HOMEZ: variants seen among roughly 807,000 people sequenced by gnomAD.
HOMEZ encodes the protein homeobox and leucine zipper protein Homez.
Under a neutral mutation model 50.1 loss-of-function variants are expected in HOMEZ, and 20 were observed. The observed-to-expected ratio is 0.40, with a 90% CI of 0.28 to 0.58. The LOEUF (loss-of-function observed/expected upper bound fraction) is 0.58, where lower values mean the gene tolerates loss of function less well. Ranked by LOEUF, HOMEZ falls within the 20% of genes least tolerant of loss-of-function variation. HOMEZ has a pLI of 0.46. For missense variants in HOMEZ, 579 were observed against 680.5 expected, an observed-to-expected ratio of 0.85 and a Z score of 1.66; for synonymous variants, 239 against 254.7, an observed-to-expected ratio of 0.94 and a Z score of 0.59.
At position 23,273,555 on chromosome 14, in the gene HOMEZ, T is replaced by C. The variant is rs1555322740; in HGVS notation, c.*2020A>G. 6.6e-6 allele frequency: 1 copy of C among 152,180 alleles called. No individual in the cohort carries two copies. Among genetic ancestry groups the C allele is most frequent in the Non-Finnish European group, 1.5e-5 (1 of 68,016 alleles). 9.4% of individuals were successfully genotyped at this position (152,180 alleles called of 1,614,324 possible). A position where few individuals can be genotyped will look rare whatever the true frequency, so the allele number is the denominator to read the frequency against. On this transcript the variant is annotated 3_prime_UTR_variant, in exon 2 of 2. Coordinates refer to ENST00000357460, the MANE Select transcript of HOMEZ (RefSeq NM_020834.3). ...ACTGAGATCAAACATGTATTCTACT[T>C]TGGGTTTTAAAAGGCAGAAATGACG...
rs984873567 is a variant in HOMEZ at position 23,273,468 on chromosome 14, A to G, written c.*2107T>C. On this transcript the variant is annotated 3_prime_UTR_variant, in exon 2 of 2. Transcript: ENST00000357460. Reference sequence around the variant, plus strand: ...AGTAAAATAAAGACGATGCCCTTTTATTGCTACAATTCTATCACTTTTACA... The same window carrying G: ...AGTAAAATAAAGACGATGCCCTTTTGTTGCTACAATTCTATCACTTTTACA... 1 of 152,244 alleles carries G rather than the reference A, an allele frequency of 6.6e-6. No individual in the cohort carries two copies. The allele number at this position is 152,244 out of a possible 1,614,324, so 9.4% of individuals were successfully genotyped here.
rs1273228157 is a variant in HOMEZ at position 23,276,132 on chromosome 14, C to T, written c.1096G>A (p.Glu366Lys). 2 of 1,613,986 alleles carry T rather than the reference C, an allele frequency of 1.2e-6. No homozygotes were observed. The highest frequency in any genetic ancestry group is 2.2e-5 in the South Asian group (2 of 91,068). Residue 366 changes from glutamate to lysine, a missense_variant, in exon 2 of 2, where the codon GAG (glutamate) becomes AAG (lysine). By Grantham distance (56) the Glu-to-Lys change is moderately conservative. Coordinates refer to ENST00000357460, the MANE Select transcript of HOMEZ (RefSeq NM_020834.3). This position sits in a 1 kb window ranked among gnomAD's most constrained non-coding sequence, Gnocchi z 4.1. ...AAGGATTTAAGGATAGCCAGCTGCT[C>T]TTTGGTTTTGCGCTTGGTCTTTCGC... is the stretch of plus-strand genomic sequence containing the variant. ...RQRKTKRKTK[E>K]QLAILKSFFL...
At chr14:23,281,850 G>T (rs964685789) in intron 1 of HOMEZ, among the ~76,000 whole-genome samples, 1 of 148,720 alleles carries the variant, frequency 6.7e-6, no homozygotes, top group Non-Finnish European at 1.5e-5. Flanking sequence ...CAAAATATTA[G>T]CTGGGCATGG....
rs1566453138 is a variant in HOMEZ, at chr14:23,286,014, G to A, written c.-62C>T. 1 of 1,233,630 alleles carries A rather than the reference G, an allele frequency of 8.1e-7. No individual in the cohort carries two copies. Among genetic ancestry groups the A allele is most frequent in the Non-Finnish European group, 1.0e-6 (1 of 986,720 alleles). 76.4% of individuals were successfully genotyped at this position (1,233,630 alleles called of 1,614,324 possible). On this transcript the variant is annotated 5_prime_UTR_variant, in exon 1 of 2. Transcript: ENST00000357460. ...CCGAGTGGGAGTGGGGTTGCTGCCC[G>A]GTGCGGCCGCTCCGAGCCCACCCCA...
At position 23,277,184 on chromosome 14, in the gene HOMEZ, A is replaced by G; in HGVS notation, c.44T>C (p.Ile15Thr). The change falls in exon 2 of 2, where the codon ATC (isoleucine) becomes ACC (threonine). Residue 15 changes from isoleucine (I) to threonine (T), a missense_variant. Physicochemically the swap from Ile to Thr is moderately conservative, Grantham distance 89. Transcript: ENST00000357460. ...WEPPPGLDCA[I>T]SEGHKSEGTM... ...GCCTTCTGATTTGTGCCCTTCAGAG[A>G]TAGCTGCAATAAGAAGACAAACAGC... The G allele has an allele frequency of 6.4e-7, 1 of 1,551,846 alleles. No homozygotes were observed. Among genetic ancestry groups the G allele is most frequent in the Non-Finnish European group, 8.7e-7 (1 of 1,147,910 alleles).
chr14:23,274,879 C>T lies in HOMEZ; in HGVS notation c.*696G>A, dbSNP rs1312495387. On this transcript the variant is annotated 3_prime_UTR_variant, in exon 2 of 2. Coordinates refer to ENST00000357460, the MANE Select transcript of HOMEZ (RefSeq NM_020834.3). ...TGAGATTGCGCCATTGCACTACAGCCTGGGCGACAGAGCAAGACTCCACCT... is the reference window on the plus strand; with the variant it reads ...TGAGATTGCGCCATTGCACTACAGCTTGGGCGACAGAGCAAGACTCCACCT... The T allele has an allele frequency of 2.0e-5, 3 of 151,040 alleles. No individual in the cohort carries two copies. The highest frequency in any genetic ancestry group is 7.3e-5 in the African/African-American group (3 of 40,950). 9.4% of individuals were successfully genotyped at this position (151,040 alleles called of 1,614,324 possible). A position where few individuals can be genotyped will look rare whatever the true frequency, so the allele number is the denominator to read the frequency against.
In HOMEZ at chr14:23,276,196, A is replaced by C. The variant is rs1321848378; in HGVS notation, c.1032T>G (p.Val344=). The C allele has an allele frequency of 6.2e-7, 1 of 1,613,978 alleles. No homozygotes were observed. Among genetic ancestry groups the C allele is most frequent in the Admixed American group, 1.7e-5 (1 of 60,010 alleles). The part of the protein sequence containing the change: ...GLRHNSVPGR[V]GPTEYLSPDM... ...CTGGGGAAAGGTACTCTGTGGGGCC[A>C]ACTCTACCTGGTACTGAGTTATGCC... The change falls in exon 2 of 2, where the codon GTT becomes GTG. Residue 344 remains valine (V), a synonymous_variant. Coordinates refer to ENST00000357460, the MANE Select transcript of HOMEZ (RefSeq NM_020834.3). The surrounding 1 kb of genome is among the most constrained non-coding windows in gnomAD (Gnocchi z 4.1).
At chr14:23,283,410 T>TTC (rs79798365) in intron 1 of HOMEZ, among the ~76,000 whole-genome samples, 3 of 150,780 alleles carry the variant, frequency 2.0e-5, no homozygotes, top group Non-Finnish European at 3.0e-5. Context: ...GAAAAAAAAA[T>TTC]TCTCTCTCTC....
At position 23,278,348 on chromosome 14, in the gene HOMEZ, TTGTG is replaced by T. The variant is rs540667030; in HGVS notation, c.41-1165_41-1162del. On this transcript the variant is annotated intron_variant, in intron 1 of 1. Coordinates refer to ENST00000357460, the MANE Select transcript of HOMEZ (RefSeq NM_020834.3). ...AAGAGGAGCAATAATTTCAACTGGTTTGTGTGTGTGTGCATTTTTGTTTTTGTTT... is the reference window on the plus strand; with the variant it reads ...AAGAGGAGCAATAATTTCAACTGGTTTGTGTGTGCATTTTTGTTTTTGTTT... Among the ~76,000 whole-genome samples the T allele has an allele frequency of 2.9e-3, 434 of 151,818 alleles. 3 individuals carry two copies. The highest frequency in any genetic ancestry group is 1.3e-3 in the Non-Finnish European group (90 of 67,882).
intron 1 of HOMEZ, among the ~76,000 whole-genome samples, chr14:23,282,575 A>G (rs1173243846): frequency 3.9e-5 from 6 of 152,106 alleles, no homozygotes; most frequent in African/African-American, 1.2e-4. Context: ...CTTGACGTCT[A>G]CTTAACCTCA....
rs1886376363 is a variant in HOMEZ, at chr14:23,276,862, A to T, written c.366T>A (p.Thr122=). 3 of 1,614,022 alleles carry T rather than the reference A, an allele frequency of 1.9e-6. No individual in the cohort carries two copies. The highest frequency in any genetic ancestry group is 2.5e-6 in the Non-Finnish European group (3 of 1,179,894). The change falls in exon 2 of 2, where the codon ACT becomes ACA. Residue 122 remains threonine, a synonymous_variant. Transcript: ENST00000357460. This position sits in a 1 kb window ranked among gnomAD's most constrained non-coding sequence, Gnocchi z 4.1. ...ISWSSEEIEE[T]RARVVYRRDQ... ...CCCGACGGTAGACTACTCGGGCTCG[A>T]GTCTCTTCTATTTCTTCAGATGACC...
intron 1 of HOMEZ, among the ~76,000 whole-genome samples, chr14:23,281,500 G>C (rs1481927195): frequency 2.0e-5 from 3 of 152,300 alleles, no homozygotes; most frequent in African/African-American, 7.2e-5. Flanking sequence ...ACAGTGCAGA[G>C]AGTACGTAAG....
rs45582142 is a variant in HOMEZ, at chr14:23,274,337, G to T, written c.*1238C>A. 0.016 allele frequency: 2,484 copies of T among 152,608 alleles called. 34 individuals carry two copies. The highest frequency in any genetic ancestry group is 0.025 in the Non-Finnish European group (1,714 of 68,008). 9.5% of individuals were successfully genotyped at this position (152,608 alleles called of 1,614,324 possible). A position where few individuals can be genotyped will look rare whatever the true frequency, so the allele number is the denominator to read the frequency against. On this transcript the variant is annotated 3_prime_UTR_variant, in exon 2 of 2. Transcript: ENST00000357460. ...CAAGCTGGACAGGAGGTAGTTAACA[G>T]GTTTGTAAAACCAAACCTGAAACCT...
At chr14:23,280,689 ATTT>A (rs1180834418) in intron 1 of HOMEZ, among the ~76,000 whole-genome samples, 1 of 118,438 alleles carries the variant, frequency 8.4e-6, no homozygotes, top group Non-Finnish European at 1.8e-5. Flanking sequence ...GTTATATTTT[ATTT>A]TTATTTTTAT....
At chr14:23,278,659 C>T (rs1015118163) in intron 1 of HOMEZ, among the ~76,000 whole-genome samples, 78 of 151,320 alleles carry the variant, frequency 5.2e-4, no homozygotes, top group African/African-American at 1.8e-3. Context: ...CCACTGTACC[C>T]GGCCCTCAGA....
intron 1 of HOMEZ, among the ~76,000 whole-genome samples, chr14:23,280,695 A>ATATTT (rs1300551971): frequency 1.1e-5 from 1 of 90,558 alleles, no homozygotes; most frequent in Non-Finnish European, 2.6e-5. Flanking sequence ...TTTTATTTTT[A>ATATTT]TTTTTATATT....
rs1886384064 is a variant in HOMEZ, at chr14:23,277,146, T to C, written c.82A>G (p.Asn28Asp). 6.2e-7 allele frequency: 1 copy of C among 1,608,494 alleles called. No individual in the cohort carries two copies. The highest frequency in any genetic ancestry group is 2.2e-5 in the East Asian group (1 of 44,796). ...CTACTGAGACCGCTGGCCTCTTTAT[T>C]AGGAGGCATGGTGCCTTCTGATTTG... ...GHKSEGTMPP[N>D]KEASGLSSSP... is the part of the protein sequence containing the mutation. Residue 28 changes from asparagine to aspartate, a missense_variant, in exon 2 of 2, where the codon AAT becomes GAT. By Grantham distance (23) the Asn-to-Asp change is conservative. Transcript: ENST00000357460.
At chr14:23,277,489 C>T (rs1329179475) in intron 1 of HOMEZ, among the ~76,000 whole-genome samples, 2 of 152,200 alleles carry the variant, frequency 1.3e-5, no homozygotes, top group South Asian at 2.1e-4. Flanking sequence ...CATGGTGGCT[C>T]ATGCCTGTAA....
chr14:23,274,440 G>A lies in HOMEZ; in HGVS notation c.*1135C>T, dbSNP rs1037940233. 6.6e-6 allele frequency: 1 copy of A among 152,524 alleles called. No homozygotes were observed. Among genetic ancestry groups the A allele is most frequent in the Non-Finnish European group, 1.5e-5 (1 of 68,022 alleles). The allele number at this position is 152,524 out of a possible 1,614,324, so 9.4% of individuals were successfully genotyped here. A position where few individuals can be genotyped will look rare whatever the true frequency, so the allele number is the denominator to read the frequency against. ...GTAACACAATTCTACTGTTTAAAAGGACATCTTCCCTAATTACCACCTCCA... is the reference window on the plus strand; with the variant it reads ...GTAACACAATTCTACTGTTTAAAAGAACATCTTCCCTAATTACCACCTCCA... On this transcript the variant is annotated 3_prime_UTR_variant, in exon 2 of 2. Transcript: ENST00000357460.
Sources: allele counts gnomAD v4.1 joint callset (sites outside exome capture counted in the v4.1 genomes callset), GRCh38; gene constraint gnomAD v4.1.1; non-coding constraint Gnocchi (gnomAD v3.1); transcripts MANE v1.5; gene names NCBI Gene and HGNC (gene_info 2026-07-23, HGNC 2026-07-21).